The following CLNK variants were observed in gnomAD, a reference collection of about 807,000 sequenced individuals.
The protein encoded by CLNK is cytokine-dependent hematopoietic cell linker.
A neutral mutation model predicts 68.6 loss-of-function variants in CLNK; 74 were observed. The observed-to-expected ratio is 1.08, with a 90% confidence interval of 0.89 to 1.31. The LOEUF is 1.31. Among genes scored for constraint, CLNK ranks in the 50% most tolerant of loss-of-function variants. The probability of loss-of-function intolerance (pLI) is 0.00; values close to 1 mark genes in which losing one functional copy is unlikely to be tolerated. For synonymous variants in CLNK, 198 were observed against 172.2 expected (o/e 1.15, Z -1.17); for missense variants, 553 against 515.3 (o/e 1.07, Z -0.71).
chr4:10,601,822 A>ACTG (rs1445867470), intron 2 of CLNK, among the ~76,000 whole-genome samples: 5 of 152,194 alleles, frequency 3.3e-5, no homozygotes, highest in African/African-American at 1.2e-4. Flanking sequence ...AGCTTTTTAA[A>ACTG]CTGCTGCTCG....
intron 2 of CLNK, among the ~76,000 whole-genome samples, chr4:10,624,593 G>T (rs1722592391): frequency 8.1e-6 from 1 of 122,864 alleles, no homozygotes; most frequent in Non-Finnish European, 1.7e-5. Flanking sequence ...CGCCCGGCCA[G>T]TTTTTTTTTT....
chr4:10,528,343 C>T (rs191707741), intron 12 of CLNK, among the ~76,000 whole-genome samples: 47 of 152,298 alleles, frequency 3.1e-4, no homozygotes, highest in Admixed American at 2.2e-3. Context: ...ATTGCTTTTA[C>T]GCTTTTAGAA....
chr4:10,509,771 A>T (rs545745080), intron 16 of CLNK, among the ~76,000 whole-genome samples: 84 of 152,178 alleles, frequency 5.5e-4, no homozygotes, highest in African/African-American at 2.0e-3. Flanking sequence ...GGTGATCCAC[A>T]TGCCTCAGCC....
the CLNK span, among the ~76,000 whole-genome samples, chr4:10,715,910 TG>T: frequency 6.6e-6 from 1 of 152,196 alleles, no homozygotes; most frequent in Non-Finnish European, 1.5e-5. Flanking sequence ...CGTAGCTGCT[TG>T]GCAGAGAGAA....
chr4:10,548,034 C>G (rs1397966090), intron 8 of CLNK, among the ~76,000 whole-genome samples: 1 of 152,092 alleles, frequency 6.6e-6, no homozygotes, highest in African/African-American at 2.4e-5. Flanking sequence ...TAAGGTATGT[C>G]TATTTTTAAT....
intron 3 of CLNK, among the ~76,000 whole-genome samples, chr4:10,595,243 T>C (rs1721341390): frequency 6.6e-6 from 1 of 152,176 alleles, no homozygotes; most frequent in Non-Finnish European, 1.5e-5. Flanking sequence ...TATCTGTAAA[T>C]GGGAATACGA....
chr4:10,619,062 C>T (rs1722331599), intron 2 of CLNK, among the ~76,000 whole-genome samples: 1 of 152,220 alleles, frequency 6.6e-6, no homozygotes, highest in Non-Finnish European at 1.5e-5. Context: ...GTGTCTCAGG[C>T]TCTGTCTTTG....
At chr4:10,541,213 AAAAAAAAAC>A (rs1719002994) in intron 10 of CLNK, among the ~76,000 whole-genome samples, 1 of 68,690 alleles carries the variant, frequency 1.5e-5, no homozygotes, top group Non-Finnish European at 3.6e-5. Flanking sequence ...GACTGTCTCA[AAAAAAAAAC>A]AAAAAAAAAA....
intron 3 of CLNK, among the ~76,000 whole-genome samples, chr4:10,593,218 T>C (rs138073555): frequency 2.0e-5 from 3 of 151,324 alleles, no homozygotes; most frequent in Non-Finnish European, 4.4e-5. Context: ...GTGACCCTTA[T>C]GGCTCTCTCA....
At chr4:10,555,882 C>T (rs1319771423) in intron 8 of CLNK, among the ~76,000 whole-genome samples, 2 of 152,156 alleles carry the variant, frequency 1.3e-5, no homozygotes, top group African/African-American at 4.8e-5. Flanking sequence ...CCCTTCCAGC[C>T]TTGTTCTAGA....
At chr4:10,667,774 A>T (rs1724459131) in intron 2 of CLNK, 85 bp downstream of exon 2, 2 of 1,335,046 alleles carry the variant, frequency 1.5e-6, no homozygotes, top group Admixed American at 2.5e-5. Context: ...CATTGGCATC[A>T]TTTCTCAGTT....
chr4:10,632,205 G>A (rs546412938), intron 2 of CLNK, among the ~76,000 whole-genome samples: 10 of 152,306 alleles, frequency 6.6e-5, no homozygotes, highest in Non-Finnish European at 1.3e-4. Flanking sequence ...TCCAGGCATC[G>A]TCCTTGACCA....
chr4:10,536,040 A>G (rs1175558808), intron 11 of CLNK, among the ~76,000 whole-genome samples: 4 of 152,226 alleles, frequency 2.6e-5, no homozygotes, highest in African/African-American at 9.6e-5. Flanking sequence ...TCGTGAAACC[A>G]AGGCTTAGCT....
At chr4:10,580,901 C>T (rs1025969512) in intron 4 of CLNK, among the ~76,000 whole-genome samples, 8 of 152,202 alleles carry the variant, frequency 5.3e-5, no homozygotes, top group South Asian at 4.1e-4. Context: ...CTAATGTTGA[C>T]GTGGGTTTAC....
intron 2 of CLNK, among the ~76,000 whole-genome samples, chr4:10,642,331 A>C (rs1471194849): frequency 6.6e-6 from 1 of 152,182 alleles, no homozygotes; most frequent in African/African-American, 2.4e-5. Context: ...GGAGCTTCTG[A>C]TTGAAAGGCC....
At chr4:10,588,107 A>T (rs544376055) in intron 3 of CLNK, among the ~76,000 whole-genome samples, 43 of 152,258 alleles carry the variant, frequency 2.8e-4, no homozygotes, top group African/African-American at 1.0e-3. Context: ...AGTGGAAATG[A>T]TATGTTTTTG....
chr4:10,557,696 G>A (rs753787011), intron 8 of CLNK, among the ~76,000 whole-genome samples: 1 of 152,136 alleles, frequency 6.6e-6, no homozygotes, highest in African/African-American at 2.4e-5. Context: ...TCCCTCTTGG[G>A]ACTCTAACTG....
At chr4:10,505,864 T>TG (rs1488394369) in intron 17 of CLNK, among the ~76,000 whole-genome samples, 3 of 152,182 alleles carry the variant, frequency 2.0e-5, no homozygotes, top group South Asian at 2.1e-4. Context: ...TGAACATCTT[T>TG]GGGGGGGCAT....
chr4:10,635,226 C>T (rs989547126), intron 2 of CLNK, among the ~76,000 whole-genome samples: 1 of 152,182 alleles, frequency 6.6e-6, no homozygotes, highest in Non-Finnish European at 1.5e-5. Context: ...CCGTATTAGA[C>T]ATATGTTGCT....
Sources: gnomAD v4.1 joint callset for allele counts (sites outside exome capture counted in the v4.1 genomes callset) on GRCh38, gnomAD v4.1.1 for gene constraint, MANE v1.5 for transcripts, NCBI Gene and HGNC (gene_info 2026-07-23, HGNC 2026-07-21) for gene names.